Variants in MEGF8 observed in about 807,000 individuals in gnomAD.
The protein encoded by MEGF8 is multiple EGF like domains 8.
Under a neutral mutation model 302.9 loss-of-function variants are expected in MEGF8, and 156 were observed. That is an observed-to-expected ratio of 0.52 (90% CI 0.45 to 0.59). MEGF8 has a LOEUF of 0.59. Among genes scored for constraint, MEGF8 ranks in the 20% least tolerant of loss-of-function variants. The pLI is 0.00. For synonymous variants in MEGF8, 1,621 were observed against 1,660.5 expected (o/e 0.98, Z 0.58); for missense variants, 3,345 against 3,964.5 (o/e 0.84, Z 4.20).
intron 8 of MEGF8, 84 bp downstream of exon 8, chr19:42,337,290 C>A: frequency 1.3e-6 from 2 of 1,581,260 alleles, no homozygotes; most frequent in Non-Finnish European, 1.7e-6. Flanking sequence ...CACCTCAGTC[C>A]GTAAGGGTGA....
intron 1 of MEGF8, among the ~76,000 whole-genome samples, chr19:42,330,134 T>G (rs986671269): frequency 6.6e-6 from 1 of 151,920 alleles, no homozygotes; most frequent in Non-Finnish European, 1.5e-5. Context: ...GTAGAGATGG[T>G]GTTTCTCTAT....
Position 42,358,347 on chromosome 19 carries a change from G to T in MEGF8, c.5175+40G>T. 1 of 1,546,138 alleles carries T rather than the reference G, an allele frequency of 6.5e-7. No individual in the cohort carries two copies. The highest frequency in any genetic ancestry group is 2.4e-5 in the East Asian group (1 of 41,038). ...CTCAGACCCAAGGATGTATGGGGCA[G>T]GAGGGAGGGGTCCTCTTTCCCAGTG... On this transcript the variant is annotated intron_variant, in intron 29 of 41. Transcript: ENST00000251268. This position sits in a 1 kb window ranked among gnomAD's most constrained non-coding sequence, Gnocchi z 4.4.
Position 42,357,553 on chromosome 19 carries a change from GT to G in MEGF8, c.4981del (p.Ser1661GlnfsTer69), listed in dbSNP as rs1373597319. On this transcript the variant is annotated frameshift_variant, in exon 28 of 42. Transcript: ENST00000251268. LOFTEE classifies it high-confidence loss of function. The surrounding 1 kb of genome is among the most constrained non-coding windows in gnomAD (Gnocchi z 5.2). Reference protein sequence around the residue: ...EYQLATGTWVSGAQSGTPPTG... With the variant: ...EYQLATGTWVXGAQSGTPPTG... ...ACCAGCTGGCAACCGGCACCTGGGT[GT>G]CAGGAGCCCAGAGTGGGACACCCCC... 6.2e-7 allele frequency: 1 copy of G among 1,612,146 alleles called. No homozygotes were observed. The highest frequency in any genetic ancestry group is 8.5e-7 in the Non-Finnish European group (1 of 1,179,246).
intron 8 of MEGF8, among the ~76,000 whole-genome samples, chr19:42,339,032 C>T (rs999288638): frequency 7.2e-5 from 11 of 151,740 alleles, no homozygotes; most frequent in Non-Finnish European, 1.3e-4. Flanking sequence ...CGGGGTTTCA[C>T]CATGTTGGCT....
At chr19:42,370,623 G>C in intron 39 of MEGF8, 78 bp from the exon 40 acceptor site, 1 of 1,504,346 alleles carries the variant, frequency 6.6e-7, no homozygotes, top group Non-Finnish European at 9.0e-7. Flanking sequence ...GAGTGGGTAG[G>C]AGCCTGGACT....
chr19:42,340,477 C>T (rs1367204614), intron 8 of MEGF8, among the ~76,000 whole-genome samples: 1 of 152,154 alleles, frequency 6.6e-6, no homozygotes, highest in Non-Finnish European at 1.5e-5. Context: ...GATCCATCTG[C>T]CTCGGCCTCC....
intron 1 of MEGF8, among the ~76,000 whole-genome samples, chr19:42,330,495 G>A (rs2039041681): frequency 6.6e-6 from 1 of 152,224 alleles, no homozygotes; most frequent in Non-Finnish European, 1.5e-5. Context: ...GTGCTGAATG[G>A]TTCTTCTGCA....
rs2039451249 is a variant in MEGF8, at chr19:42,356,264, C to T, written c.4503+71C>T. The T allele has an allele frequency of 6.5e-7, 1 of 1,528,874 alleles. No individual in the cohort carries two copies. The highest frequency in any genetic ancestry group is 1.4e-5 in the African/African-American group (1 of 72,624). 94.7% of individuals were successfully genotyped at this position (1,528,874 alleles called of 1,614,324 possible). On this transcript the variant is annotated intron_variant, in intron 25 of 41. Transcript: ENST00000251268. The surrounding 1 kb of genome is among the most constrained non-coding windows in gnomAD (Gnocchi z 5.2). Reference sequence around the variant, plus strand: ...GTTCTCCCACCTCCATTCCTGGGACCACCCCTACACCCAGGCCTGGCACTT... The same window carrying T: ...GTTCTCCCACCTCCATTCCTGGGACTACCCCTACACCCAGGCCTGGCACTT...
At chr19:42,339,461 T>C (rs1483167329) in intron 8 of MEGF8, among the ~76,000 whole-genome samples, 1 of 152,244 alleles carries the variant, frequency 6.6e-6, no homozygotes, top group African/African-American at 2.4e-5. Flanking sequence ...ATTTCTCTCA[T>C]GATTAGTGAT....
In MEGF8 at chr19:42,344,340, T is replaced by A; in HGVS notation, c.1789-101T>A. On this transcript the variant is annotated intron_variant, in intron 10 of 41. Coordinates refer to ENST00000251268, the MANE Select transcript of MEGF8 (RefSeq NM_001271938.2). The surrounding 1 kb of genome is among the most constrained non-coding windows in gnomAD (Gnocchi z 4.5). Reference sequence around the variant, plus strand: ...AAGTCAACTCCCCGTTCTTCAGTTTTTTCGCCCTTTCCATCGCAGGACCCT... The same window carrying A: ...AAGTCAACTCCCCGTTCTTCAGTTTATTCGCCCTTTCCATCGCAGGACCCT... 4 of 1,465,144 alleles carry A rather than the reference T, an allele frequency of 2.7e-6. No homozygotes were observed. The highest frequency in any genetic ancestry group is 3.6e-6 in the Non-Finnish European group (4 of 1,102,300). The allele number at this position is 1,465,144 out of a possible 1,614,324, so 90.8% of individuals were successfully genotyped here.
chr19:42,360,994 A>T lies in MEGF8; in HGVS notation c.5708A>T (p.Asp1903Val), dbSNP rs758042892. The change falls in exon 32 of 42, where the codon GAT becomes GTT. Residue 1903 changes from aspartate to valine, a missense_variant. Coordinates refer to ENST00000251268, the MANE Select transcript of MEGF8 (RefSeq NM_001271938.2). Reference protein sequence around the residue: ...TWCHGACLSGDQAHRLGCGGS... With the variant: ...TWCHGACLSGVQAHRLGCGGS... Reference sequence around the variant, plus strand: ...TGCCATGGGGCCTGCTTGTCCGGGGATCAGGCCCACAGGTAACCATGGCGA... The same window carrying T: ...TGCCATGGGGCCTGCTTGTCCGGGGTTCAGGCCCACAGGTAACCATGGCGA... The T allele has an allele frequency of 1.1e-5, 17 of 1,555,062 alleles. No individual in the cohort carries two copies. Among genetic ancestry groups the T allele is most frequent in the Non-Finnish European group, 1.4e-5 (16 of 1,149,416 alleles).
Position 42,344,945 on chromosome 19 carries a change from T to G in MEGF8, c.2097+112T>G, listed in dbSNP as rs1171308221. ...ATGTTTACTCCAAAACTCTTTACAT[T>G]CAAGGGTCTTATTTTCCTTATGGAC... is the stretch of plus-strand genomic sequence containing the variant. On this transcript the variant is annotated intron_variant, in intron 12 of 41. Coordinates refer to ENST00000251268, the MANE Select transcript of MEGF8 (RefSeq NM_001271938.2). This position sits in a 1 kb window ranked among gnomAD's most constrained non-coding sequence, Gnocchi z 4.5. 1 of 1,153,280 alleles carries G rather than the reference T, an allele frequency of 8.7e-7. No homozygotes were observed. The highest frequency in any genetic ancestry group is 1.2e-6 in the Non-Finnish European group (1 of 859,630). 71.4% of individuals were successfully genotyped at this position (1,153,280 alleles called of 1,614,324 possible).
intron 8 of MEGF8, 29 bp downstream of exon 8, chr19:42,337,235 C>A (rs774360335): frequency 5.0e-6 from 8 of 1,612,242 alleles, no homozygotes; most frequent in Non-Finnish European, 5.9e-6. Context: ...TCCCTAGGGG[C>A]TCCTGAGGGT....
chr19:42,375,120 G>A lies in MEGF8; in HGVS notation c.7270-387G>A, dbSNP rs1487915403. Among the ~76,000 whole-genome samples the A allele has an allele frequency of 2.6e-5, 4 of 152,204 alleles. No individual in the cohort carries two copies. The highest frequency in any genetic ancestry group is 9.6e-5 in the African/African-American group (4 of 41,454). On this transcript the variant is annotated intron_variant, in intron 41 of 41. Coordinates refer to ENST00000251268, the MANE Select transcript of MEGF8 (RefSeq NM_001271938.2). This position sits in a 1 kb window ranked among gnomAD's most constrained non-coding sequence, Gnocchi z 7.1. The stretch of plus-strand genomic sequence containing the variant: ...AGCGAGCCGTGGTTACTCCCTGTGT[G>A]CAGAGCTCATGGGTTAAGTCTGTGT...
chr19:42,353,537 G>A lies in MEGF8; in HGVS notation c.3623G>A (p.Cys1208Tyr). 6.2e-7 allele frequency: 1 copy of A among 1,606,418 alleles called. No homozygotes were observed. Among genetic ancestry groups the A allele is most frequent in the Non-Finnish European group, 8.5e-7 (1 of 1,177,096 alleles). Residue 1208 changes from cysteine to tyrosine, a missense_variant, in exon 21 of 42, where the codon TGC becomes TAC. Physicochemically the swap from Cys to Tyr is radical, Grantham distance 194. Transcript: ENST00000251268. This position sits in a 1 kb window ranked among gnomAD's most constrained non-coding sequence, Gnocchi z 6.1. ...SFGNATGSRGCRPCQCNGHGD... is the reference protein window; with the variant it reads ...SFGNATGSRGYRPCQCNGHGD... ...GGCAACGCCACAGGCTCTAGGGGCT[G>A]CCGGCCCTGCCAGTGCAACGGGCAC...
In MEGF8 at chr19:42,333,687, C is replaced by T. The variant is rs376175890; in HGVS notation, c.270C>T (p.Asp90=). The change falls in exon 2 of 42, where the codon GAC becomes GAT. Residue 90 remains aspartate, a synonymous_variant. Coordinates refer to ENST00000251268, the MANE Select transcript of MEGF8 (RefSeq NM_001271938.2). ...CGTATGACTACCTGTTCGTGTATGA[C>T]GGTGACTCCCCGCGAGGGCCGCTGC... The part of the protein sequence containing the change: ...ECTYDYLFVY[D]GDSPRGPLLA... The T allele has an allele frequency of 5.5e-5, 88 of 1,613,892 alleles. No homozygotes were observed. Among genetic ancestry groups the T allele is most frequent in the African/African-American group, 2.4e-4 (18 of 74,932 alleles).
chr19:42,350,775 C>A (rs1044926713), intron 15 of MEGF8, among the ~76,000 whole-genome samples: 1 of 152,174 alleles, frequency 6.6e-6, no homozygotes, highest in Non-Finnish European at 1.5e-5. Context: ...GGTCCAGGCT[C>A]TAAGTCCCTG....
intron 8 of MEGF8, among the ~76,000 whole-genome samples, chr19:42,338,607 G>T (rs2039166025): frequency 6.6e-6 from 1 of 151,980 alleles, no homozygotes; most frequent in Non-Finnish European, 1.5e-5. Flanking sequence ...AGTGTCTGTT[G>T]TTCCCTTCTT....
In MEGF8 at chr19:42,356,812, C is replaced by T. The variant is rs774083503; in HGVS notation, c.4661C>T (p.Ala1554Val). 1.5e-5 allele frequency: 24 copies of T among 1,555,856 alleles called. No homozygotes were observed. Among genetic ancestry groups the T allele is most frequent in the East Asian group, 4.8e-5 (2 of 41,470 alleles). The change falls in exon 27 of 42, where the codon GCG (alanine) becomes GTG (valine). Residue 1554 changes from alanine to valine, a missense_variant. By Grantham distance (64) the Ala-to-Val change is moderately conservative. Coordinates refer to ENST00000251268, the MANE Select transcript of MEGF8 (RefSeq NM_001271938.2). The surrounding 1 kb of genome is among the most constrained non-coding windows in gnomAD (Gnocchi z 5.2). ...VSERRWTQML[A>V]GAEDGGPGPS... is the part of the protein sequence containing the mutation. ...GAGCGGCGGTGGACACAGATGCTGG[C>T]GGGAGCCGAGGACGGGGGCCCAGGC...
Sources: allele counts gnomAD v4.1 joint callset (sites outside exome capture counted in the v4.1 genomes callset), GRCh38; gene constraint gnomAD v4.1.1; non-coding constraint Gnocchi (gnomAD v3.1); transcripts MANE v1.5; gene names NCBI Gene and HGNC (gene_info 2026-07-23, HGNC 2026-07-21).